TENT2: variants seen among roughly 807,000 people sequenced by gnomAD.
TENT2 encodes poly(A) RNA polymerase GLD2.
TENT2 carries 44 observed loss-of-function variants against 72.2 expected under a neutral mutation model. That is an observed-to-expected ratio of 0.61 (90% CI 0.48 to 0.78). TENT2 has a LOEUF of 0.78. TENT2 is among the 30% of genes least tolerant of loss of function. The probability of loss-of-function intolerance (pLI) is 0.00; values close to 1 mark genes in which losing one functional copy is unlikely to be tolerated. For synonymous variants in TENT2, 212 were observed against 192.5 expected (o/e 1.10, Z -0.84); for missense variants, 541 against 569.6 (o/e 0.95, Z 0.51).
chr5:79,674,268 G>C (rs1815344876), intron 12 of TENT2, among the ~76,000 whole-genome samples: 1 of 152,176 alleles, frequency 6.6e-6, no homozygotes, highest in Non-Finnish European at 1.5e-5. Flanking sequence ...TGTAATCCCA[G>C]CTACTCACGA....
Position 79,640,758 on chromosome 5 carries a change from T to G in TENT2, c.466-93T>G, listed in dbSNP as rs1032754111. On this transcript the variant is annotated intron_variant, in intron 4 of 14. Transcript: ENST00000453514. ...AGATAATACATACTCCCTTTTAAAA[T>G]AGTGTCAGTATAATTGATTTATGCT... The G allele has an allele frequency of 1.2e-5, 8 of 659,820 alleles. No homozygotes were observed. The African/African-American group carries it at 1.5e-4, about 12-fold the overall frequency. 40.9% of individuals were successfully genotyped at this position (659,820 alleles called of 1,614,324 possible).
rs1323553733 is a variant in TENT2, at chr5:79,659,554, A to ATG, written c.1071+2555_1071+2556dup. Among the ~76,000 whole-genome samples, 24 of 47,288 alleles carry ATG rather than the reference A, an allele frequency of 5.1e-4. 1 individual carries two copies. The highest frequency in any genetic ancestry group is 2.8e-3 in the South Asian group (3 of 1,068). The allele number at this position is 47,288 out of a possible 152,430, so 31.0% of individuals were successfully genotyped here. ...CTCAAAAAAAAAAAAAAAAAAAAAA[A>ATG]TGTATATATATATATATATATATAT... On this transcript the variant is annotated intron_variant, in intron 11 of 14. Transcript: ENST00000453514.
chr5:79,624,829 T>G (rs1768088558), intron 4 of TENT2, among the ~76,000 whole-genome samples: 1 of 152,226 alleles, frequency 6.6e-6, no homozygotes, highest in Admixed American at 6.5e-5. Flanking sequence ...CTGGGTTGTT[T>G]CCACTTTTTG....
chr5:79,658,839 TTC>T (rs567841137), intron 11 of TENT2, among the ~76,000 whole-genome samples: 1 of 147,488 alleles, frequency 6.8e-6, no homozygotes, highest in Non-Finnish European at 1.5e-5. Flanking sequence ...CCATTTTCAC[TTC>T]TGTGTTCTGT....
intron 1 of TENT2, among the ~76,000 whole-genome samples, chr5:79,617,901 A>G (rs920045760): frequency 5.9e-5 from 9 of 152,164 alleles, no homozygotes; most frequent in African/African-American, 2.2e-4. Flanking sequence ...TGAAACTTCA[A>G]TATAATATAC....
intron 12 of TENT2, among the ~76,000 whole-genome samples, chr5:79,674,137 A>G (rs1465032483): frequency 1.3e-5 from 2 of 152,174 alleles, no homozygotes; most frequent in Non-Finnish European, 2.9e-5. Context: ...TAATACCAGC[A>G]CTTTGGGAGG....
At chr5:79,667,140 T>A (rs1808837598) in intron 11 of TENT2, among the ~76,000 whole-genome samples, 1 of 152,206 alleles carries the variant, frequency 6.6e-6, no homozygotes, top group Admixed American at 6.5e-5. Flanking sequence ...TTCTTTAAAT[T>A]ACTGAACAAA....
chr5:79,673,664 T>C (rs953497631), intron 12 of TENT2, among the ~76,000 whole-genome samples: 4 of 152,332 alleles, frequency 2.6e-5, no homozygotes, highest in African/African-American at 9.6e-5. Context: ...TCTGTTTTTA[T>C]GCCAGTCCCA....
chr5:79,629,056 C>T (rs370656553), intron 4 of TENT2, among the ~76,000 whole-genome samples: 5 of 152,128 alleles, frequency 3.3e-5, no homozygotes, highest in Admixed American at 2.0e-4. Context: ...TACACCAGCA[C>T]AGGGCTATCT....
At chr5:79,643,614 C>A (rs1786203188) in intron 7 of TENT2, among the ~76,000 whole-genome samples, 1 of 152,148 alleles carries the variant, frequency 6.6e-6, no homozygotes, top group Admixed American at 6.6e-5. Flanking sequence ...AGTAACAAGT[C>A]ACTGTCTTTG....
chr5:79,636,824 C>A (rs965035162), intron 4 of TENT2, among the ~76,000 whole-genome samples: 1 of 152,002 alleles, frequency 6.6e-6, no homozygotes, highest in Non-Finnish European at 1.5e-5. Context: ...ACATAGATTT[C>A]TAAATATTTC....
At chr5:79,673,397 GT>G (rs1814580942) in intron 12 of TENT2, among the ~76,000 whole-genome samples, 2 of 152,094 alleles carry the variant, frequency 1.3e-5, no homozygotes, top group South Asian at 4.1e-4. Context: ...TTTCTCCAAT[GT>G]TTTCTTGTGG....
At chr5:79,669,807 T>A (rs1006615618) in intron 12 of TENT2, among the ~76,000 whole-genome samples, 5 of 151,944 alleles carry the variant, frequency 3.3e-5, no homozygotes, top group African/African-American at 1.2e-4. Context: ...TATTATATTA[T>A]TATTTATATT....
chr5:79,633,588 G>C (rs566587089), intron 4 of TENT2, among the ~76,000 whole-genome samples: 57 of 151,382 alleles, frequency 3.8e-4, no homozygotes, highest in Admixed American at 6.6e-4. Context: ...GGCTAATTTT[G>C]TGTTTTTAGT....
intron 1 of TENT2, among the ~76,000 whole-genome samples, chr5:79,615,377 AC>A (rs1390341155): frequency 2.0e-5 from 3 of 152,222 alleles, no homozygotes; most frequent in African/African-American, 7.2e-5. Flanking sequence ...ATAGGTATAA[AC>A]AAAAGTATCT....
intron 10 of TENT2, among the ~76,000 whole-genome samples, chr5:79,652,482 C>A (rs1460311241): frequency 6.6e-6 from 1 of 152,012 alleles, no homozygotes. Flanking sequence ...CTCTGTACTT[C>A]ACTATACTTG....
chr5:79,624,780 T>C (rs1052324010), intron 4 of TENT2, among the ~76,000 whole-genome samples: 3 of 152,242 alleles, frequency 2.0e-5, no homozygotes, highest in Admixed American at 2.0e-4. Flanking sequence ...TGTATGAATA[T>C]ACATCACTTT....
chr5:79,656,911 A>G, intron 10 of TENT2, 47 bp from the exon 11 acceptor site: 2 of 1,458,296 alleles, frequency 1.4e-6, no homozygotes, highest in Non-Finnish European at 1.9e-6. Context: ...TGCATTGTAA[A>G]ATGAGTCACG....
intron 6 of TENT2, among the ~76,000 whole-genome samples, chr5:79,642,476 A>G (rs915670231): frequency 2.0e-5 from 3 of 152,126 alleles, no homozygotes; most frequent in African/African-American, 7.2e-5. Flanking sequence ...ACTATCCTTG[A>G]GCAGCTTAAA....
Sources: allele counts gnomAD v4.1 joint callset (sites outside exome capture counted in the v4.1 genomes callset), GRCh38; gene constraint gnomAD v4.1.1; transcripts MANE v1.5; gene names NCBI Gene and HGNC (gene_info 2026-07-23, HGNC 2026-07-21).